Variants in INTS9 observed in about 807,000 individuals in gnomAD.
The protein encoded by INTS9 is integrator complex subunit 9.
INTS9 carries 55 observed loss-of-function variants against 79.7 expected under a neutral mutation model. The observed-to-expected ratio is 0.69, with a 90% CI of 0.56 to 0.86. The LOEUF (loss-of-function observed/expected upper bound fraction) is 0.86, where lower values mean the gene tolerates loss of function less well. Among genes scored for constraint, INTS9 ranks in the 40% least tolerant of loss-of-function variants. INTS9 has a pLI of 0.00. For synonymous variants in INTS9, 319 were observed against 325.2 expected, an observed-to-expected ratio of 0.98 and a Z score of 0.20; for missense variants, 721 against 831.5, an observed-to-expected ratio of 0.87 and a Z score of 1.64.
chr8:28,833,638 A>C (rs144385279), intron 6 of INTS9, among the ~76,000 whole-genome samples: 2,232 of 151,068 alleles, frequency 0.015, 17 homozygotes, highest in Non-Finnish European at 0.019. Flanking sequence ...AAACAAAAAC[A>C]AAAACAAAAA....
At chr8:28,777,325 T>C (rs1409241086) in intron 13 of INTS9, among the ~76,000 whole-genome samples, 1 of 152,164 alleles carries the variant, frequency 6.6e-6, no homozygotes, top group Admixed American at 6.5e-5. Flanking sequence ...TGGCCCTGCC[T>C]TCCTGCTACG....
chr8:28,851,373 T>A (rs1318481973), intron 2 of INTS9, among the ~76,000 whole-genome samples: 1 of 152,018 alleles, frequency 6.6e-6, no homozygotes, highest in Non-Finnish European at 1.5e-5. Context: ...AAAATATAAA[T>A]GCATCTATTT....
chr8:28,827,186 A>T (rs1455175431), intron 6 of INTS9, among the ~76,000 whole-genome samples: 2 of 152,214 alleles, frequency 1.3e-5, no homozygotes, highest in Admixed American at 6.5e-5. Context: ...ATCAAAGTCA[A>T]GTTCTCAGAG....
chr8:28,769,489 A>G (rs552420490), intron 16 of INTS9: 1 of 159,102 alleles, frequency 6.3e-6, no homozygotes, highest in African/African-American at 2.4e-5. Flanking sequence ...CCCTCCCCCG[A>G]CTGCCTCCTG....
chr8:28,833,387 C>T (rs893880104), intron 6 of INTS9, among the ~76,000 whole-genome samples: 30 of 151,630 alleles, frequency 2.0e-4, no homozygotes, highest in Admixed American at 6.6e-4. Flanking sequence ...TTTGGGAGGT[C>T]GAGGTGGGTG....
chr8:28,819,403 A>G (rs1266209764), intron 6 of INTS9, among the ~76,000 whole-genome samples: 3 of 151,894 alleles, frequency 2.0e-5, no homozygotes, highest in African/African-American at 7.3e-5. Context: ...CCTTCATTTC[A>G]TTATGTACCC....
At position 28,787,907 on chromosome 8, in the gene INTS9, CA is replaced by C. The variant is rs1232417892; in HGVS notation, c.1038-19del. 3 of 1,577,772 alleles carry C rather than the reference CA, an allele frequency of 1.9e-6. No individual in the cohort carries two copies. The highest frequency in any genetic ancestry group is 1.7e-6 in the Non-Finnish European group (2 of 1,151,162). On this transcript the variant is annotated intron_variant, in intron 10 of 16. Transcript: ENST00000521022. Reference sequence around the variant, plus strand: ...GACAAAGCCTATTAAAGAGGAAAAACACATCAGCATGTGAGGAAGAGCATAC... The same window carrying C: ...GACAAAGCCTATTAAAGAGGAAAAACCATCAGCATGTGAGGAAGAGCATAC...
intron 11 of INTS9, among the ~76,000 whole-genome samples, chr8:28,781,884 TAGAA>T (rs1803286184): frequency 6.6e-6 from 1 of 152,022 alleles, no homozygotes; most frequent in Non-Finnish European, 1.5e-5. Flanking sequence ...TTCAAAACCA[TAGAA>T]AGCACAACGC....
chr8:28,773,073 T>C (rs1172250264), intron 14 of INTS9, among the ~76,000 whole-genome samples: 1 of 152,100 alleles, frequency 6.6e-6, no homozygotes, highest in Non-Finnish European at 1.5e-5. Flanking sequence ...CTTCAGAAAA[T>C]TTTCTTATGG....
chr8:28,779,473 C>A (rs1050915173), intron 12 of INTS9, among the ~76,000 whole-genome samples: 21 of 152,160 alleles, frequency 1.4e-4, no homozygotes, highest in African/African-American at 5.1e-4. Flanking sequence ...AAAGACAAGA[C>A]CCCTCTGTAA....
At chr8:28,781,562 G>A (rs985801737) in intron 11 of INTS9, among the ~76,000 whole-genome samples, 5 of 152,188 alleles carry the variant, frequency 3.3e-5, no homozygotes, top group Non-Finnish European at 7.3e-5. Flanking sequence ...TTCAGCAGGT[G>A]AAGGATGAAA....
chr8:28,829,003 G>A (rs886112318), intron 6 of INTS9, among the ~76,000 whole-genome samples: 14 of 152,206 alleles, frequency 9.2e-5, no homozygotes, highest in Admixed American at 4.6e-4. Context: ...TAAGTCTTCC[G>A]TAAGGTATGA....
intron 8 of INTS9, among the ~76,000 whole-genome samples, chr8:28,811,520 C>G (rs1315827614): frequency 6.6e-6 from 1 of 152,006 alleles, no homozygotes; most frequent in Non-Finnish European, 1.5e-5. Context: ...TTCCCAGGCT[C>G]AAGCGATCCT....
chr8:28,862,391 CACTT>C (rs1470480249), intron 1 of INTS9: 2 of 222,482 alleles, frequency 9.0e-6, no homozygotes, highest in Admixed American at 1.3e-4. Context: ...TGTTACATGA[CACTT>C]AATTTTTATT....
chr8:28,865,421 G>A (rs1365074496), intron 1 of INTS9, among the ~76,000 whole-genome samples: 1 of 150,744 alleles, frequency 6.6e-6, no homozygotes. Context: ...ACAGTGTGCT[G>A]TGATCATGCC....
intron 8 of INTS9, among the ~76,000 whole-genome samples, chr8:28,811,760 C>T (rs979811982): frequency 3.3e-5 from 5 of 152,168 alleles, no homozygotes; most frequent in African/African-American, 1.2e-4. Flanking sequence ...CAAGTGAGAT[C>T]TTCCCATTGG....
chr8:28,882,315 T>C (rs900212312), intron 1 of INTS9, among the ~76,000 whole-genome samples: 203 of 115,940 alleles, frequency 1.8e-3, no homozygotes, highest in African/African-American at 5.3e-3. Context: ...ACACAAACAC[T>C]GCGGAAGGCC....
chr8:28,776,432 T>TTG (rs1467262941), intron 13 of INTS9, among the ~76,000 whole-genome samples: 3 of 86,226 alleles, frequency 3.5e-5, no homozygotes, highest in Admixed American at 1.2e-4. Context: ...GCAGAGTTTT[T>TTG]TTTTTTTGTT....
At chr8:28,831,229 G>A (rs908653539) in intron 6 of INTS9, among the ~76,000 whole-genome samples, 2 of 152,198 alleles carry the variant, frequency 1.3e-5, no homozygotes, top group African/African-American at 4.8e-5. Flanking sequence ...AACACCGCGT[G>A]TTCTCACTTT....
Sources: allele counts gnomAD v4.1 joint callset (sites outside exome capture counted in the v4.1 genomes callset), GRCh38; gene constraint gnomAD v4.1.1; transcripts MANE v1.5; gene names NCBI Gene and HGNC (gene_info 2026-07-23, HGNC 2026-07-21).